Variants in IQSEC1 observed in about 807,000 individuals in gnomAD.
IQSEC1 encodes IQ motif and SEC7 domain-containing protein 1.
A neutral mutation model predicts 91.0 loss-of-function variants in IQSEC1; 31 were observed. That is an observed-to-expected ratio of 0.34 (90% CI 0.26 to 0.46). The LOEUF (loss-of-function observed/expected upper bound fraction) is 0.46, where lower values mean the gene tolerates loss of function less well. Among genes scored for constraint, IQSEC1 ranks in the 20% least tolerant of loss-of-function variants. The probability of loss-of-function intolerance (pLI) is 1.00; values close to 1 mark genes in which losing one functional copy is unlikely to be tolerated. For synonymous variants in IQSEC1, 699 were observed against 662.6 expected (o/e 1.05, Z -0.84); for missense variants, 1,388 against 1,575.6 (o/e 0.88, Z 2.02).
intron 1 of IQSEC1, among the ~76,000 whole-genome samples, chr3:13,052,539 T>C (rs2125066938): frequency 6.6e-6 from 1 of 152,350 alleles, no homozygotes; most frequent in South Asian, 2.1e-4. Context: ...ACGCCAGTCT[T>C]CATTCTCTGG....
At chr3:13,031,511 G>T (rs867082652) in intron 1 of IQSEC1, among the ~76,000 whole-genome samples, 1 of 152,216 alleles carries the variant, frequency 6.6e-6, no homozygotes, top group South Asian at 2.1e-4. Flanking sequence ...AAGCCCATGG[G>T]GGATAATCAG....
intron 1 of IQSEC1, among the ~76,000 whole-genome samples, chr3:13,165,691 C>A (rs977871133): frequency 2.6e-5 from 4 of 151,880 alleles, no homozygotes; most frequent in Non-Finnish European, 4.4e-5. Context: ...AGGACCTGAG[C>A]CCCCTGCCAC....
chr3:12,936,923 C>T (rs1331542008), intron 2 of IQSEC1, among the ~76,000 whole-genome samples: 1 of 151,944 alleles, frequency 6.6e-6, no homozygotes, highest in Non-Finnish European at 1.5e-5. Context: ...CATGTTTTTC[C>T]TCTCTCAGAC....
In IQSEC1 at chr3:12,970,318, G is replaced by A. The variant is rs933637125; in HGVS notation, c.24-28453C>T. Among the ~76,000 whole-genome samples the A allele has an allele frequency of 2.6e-5, 4 of 152,136 alleles. No homozygotes were observed. In the East Asian group the frequency reaches 7.7e-4, roughly 29 times the overall value. ...GGTTGGACCTTGAGGGATGAGGAGGGCCCCATGTATGGGGTCACAGGATGT... is the reference window on the plus strand; with the variant it reads ...GGTTGGACCTTGAGGGATGAGGAGGACCCCATGTATGGGGTCACAGGATGT... On this transcript the variant is annotated intron_variant, in intron 1 of 13. Transcript: ENST00000613206. This position sits in a 1 kb window ranked among gnomAD's most constrained non-coding sequence, Gnocchi z 4.4.
intron 1 of IQSEC1, among the ~76,000 whole-genome samples, chr3:13,048,620 C>T (rs1447786563): frequency 6.6e-6 from 1 of 152,222 alleles, no homozygotes. Flanking sequence ...GCCTCCGTTT[C>T]CCTACTTGCT....
intron 12 of IQSEC1, among the ~76,000 whole-genome samples, chr3:12,904,270 C>G (rs956518111): frequency 1.3e-5 from 2 of 152,216 alleles, no homozygotes; most frequent in African/African-American, 4.8e-5. Flanking sequence ...TGACCCCAAA[C>G]CAGAGGTCCA....
intron 1 of IQSEC1, among the ~76,000 whole-genome samples, chr3:12,956,527 C>T (rs770925034): frequency 3.9e-5 from 6 of 152,214 alleles, no homozygotes; most frequent in Non-Finnish European, 7.3e-5. Context: ...ACCACCAAGC[C>T]TCAATTCACC....
intron 1 of IQSEC1, among the ~76,000 whole-genome samples, chr3:13,023,979 A>G (rs1703508209): frequency 6.6e-6 from 1 of 152,022 alleles, no homozygotes; most frequent in South Asian, 2.1e-4. Context: ...TTTTTTCTTT[A>G]AGCTTCCCCA....
chr3:13,080,770 G>A (rs763590349), intron 2 of IQSEC1, among the ~76,000 whole-genome samples: 22 of 152,126 alleles, frequency 1.4e-4, no homozygotes, highest in Non-Finnish European at 2.6e-4. Context: ...CCCAGCCCCC[G>A]CCCTGCCGCT....
chr3:13,221,178 G>A (rs1694652248), intron 1 of IQSEC1, among the ~76,000 whole-genome samples: 1 of 152,102 alleles, frequency 6.6e-6, no homozygotes. Context: ...TTCTGCCCCT[G>A]AGGCCACTAT....
At chr3:12,978,119 A>C (rs936151787) in intron 1 of IQSEC1, among the ~76,000 whole-genome samples, 3 of 152,244 alleles carry the variant, frequency 2.0e-5, no homozygotes, top group African/African-American at 7.2e-5. Flanking sequence ...GCATGAGTTC[A>C]CATAATCCTG....
At chr3:12,950,893 G>A (rs914466436) in intron 1 of IQSEC1, among the ~76,000 whole-genome samples, 6 of 152,038 alleles carry the variant, frequency 3.9e-5, no homozygotes, top group Middle Eastern at 3.4e-3. Flanking sequence ...TGATCCACCC[G>A]TCTTGGCCTC....
intron 2 of IQSEC1, among the ~76,000 whole-genome samples, chr3:13,084,740 T>C (rs1161471075): frequency 1.3e-5 from 2 of 152,128 alleles, no homozygotes; most frequent in African/African-American, 4.8e-5. Context: ...AAGTCACTGG[T>C]ACAAAGCGGT....
In IQSEC1 at chr3:12,967,534, G is replaced by A; in HGVS notation, c.24-25669C>T. The A allele has an allele frequency of 7.2e-7, 1 of 1,386,828 alleles. No homozygotes were observed. Among genetic ancestry groups the A allele is most frequent in the Middle Eastern group, 2.6e-4 (1 of 3,806 alleles). The allele number at this position is 1,386,828 out of a possible 1,614,324, so 85.9% of individuals were successfully genotyped here. On this transcript the variant is annotated intron_variant, in intron 1 of 13. Coordinates refer to ENST00000613206, the MANE Select transcript of IQSEC1 (RefSeq NM_001134382.3). The surrounding 1 kb of genome is among the most constrained non-coding windows in gnomAD (Gnocchi z 5.9). ...CGCCGACTCCCGCCAGCGAGCCGCCGGATCCCGGGGCCGACACCCGGCCAC... is the reference window on the plus strand; with the variant it reads ...CGCCGACTCCCGCCAGCGAGCCGCCAGATCCCGGGGCCGACACCCGGCCAC...
chr3:12,974,373 G>C lies in IQSEC1; in HGVS notation c.24-32508C>G, dbSNP rs143861383. On this transcript the variant is annotated intron_variant, in intron 1 of 13. Coordinates refer to ENST00000613206, the MANE Select transcript of IQSEC1 (RefSeq NM_001134382.3). Reference sequence around the variant, plus strand: ...CTGGTCTGTTGTAAACGTGAAAGAAGGTGGTGAGAATATGCTTGCCGCATC... The same window carrying C: ...CTGGTCTGTTGTAAACGTGAAAGAACGTGGTGAGAATATGCTTGCCGCATC... Among the ~76,000 whole-genome samples the C allele has an allele frequency of 2.6e-3, 402 of 152,328 alleles. 4 individuals are homozygous for C. Among genetic ancestry groups the C allele is most frequent in the African/African-American group, 9.2e-3 (384 of 41,574 alleles).
rs1361832184 is a variant in IQSEC1 at position 13,193,420 on chromosome 3, A to T, written c.273-29287T>A. The stretch of plus-strand genomic sequence containing the variant: ...TAAAGATCAGAGGTGGCTTGGAAAG[A>T]GCTCTCTGGCTACAGAGTGGTGACC... On this transcript the variant is annotated intron_variant, in intron 1 of 15. Transcript: ENST00000648114. The surrounding 1 kb of genome is among the most constrained non-coding windows in gnomAD (Gnocchi z 4.2). Among the ~76,000 whole-genome samples the T allele has an allele frequency of 6.6e-6, 1 of 152,138 alleles. No individual in the cohort carries two copies. The highest frequency in any genetic ancestry group is 2.4e-5 in the African/African-American group (1 of 41,426).
upstream of IQSEC1, among the ~76,000 whole-genome samples, chr3:13,076,605 G>A (rs1189402871): frequency 6.6e-6 from 1 of 152,048 alleles, no homozygotes; most frequent in Admixed American, 6.6e-5. Flanking sequence ...CGAATCCCAG[G>A]GATTCAGGAT....
At chr3:13,009,667 A>G (rs202058548) in intron 1 of IQSEC1, among the ~76,000 whole-genome samples, 11 of 150,068 alleles carry the variant, frequency 7.3e-5, no homozygotes, top group Admixed American at 1.3e-4. Flanking sequence ...GTATATATAT[A>G]TGTGTGTGTG....
At chr3:12,974,307 G>C (rs956546352) in intron 1 of IQSEC1, among the ~76,000 whole-genome samples, 1 of 152,208 alleles carries the variant, frequency 6.6e-6, no homozygotes, top group Non-Finnish European at 1.5e-5. Context: ...CATGATTCTA[G>C]GTCCTCGGTG....
Sources: allele counts gnomAD v4.1 joint callset (sites outside exome capture counted in the v4.1 genomes callset), GRCh38; gene constraint gnomAD v4.1.1; non-coding constraint Gnocchi (gnomAD v3.1); transcripts MANE v1.5; gene names NCBI Gene and HGNC (gene_info 2026-07-23, HGNC 2026-07-21).